The following EML4 variants were observed in gnomAD, a reference collection of about 807,000 sequenced individuals.
The protein encoded by EML4 is echinoderm microtubule-associated protein-like 4.
EML4 carries 72 observed loss-of-function variants against 129.0 expected under a neutral mutation model. That is an observed-to-expected ratio of 0.56 (90% CI 0.46 to 0.68). EML4 has a LOEUF of 0.68. Among genes scored for constraint, EML4 ranks in the 30% least tolerant of loss-of-function variants. EML4 has a pLI of 0.00. For missense variants in EML4, 1,363 were observed against 1,190.6 expected (o/e 1.14, Z -2.13); for synonymous variants, 532 against 405.0 (o/e 1.31, Z -3.77).
intron 7 of EML4, 27 bp from the exon 8 acceptor site, chr2:42,282,796 T>TA (rs1442356816): frequency 7.5e-6 from 12 of 1,601,652 alleles, no homozygotes; most frequent in Non-Finnish European, 1.0e-5. Flanking sequence ...TGTGTTTATT[T>TA]AAAACCTTGA....
chr2:42,200,215 C>T (rs1451237962), intron 1 of EML4, among the ~76,000 whole-genome samples: 2 of 150,226 alleles, frequency 1.3e-5, no homozygotes, highest in East Asian at 3.9e-4. Flanking sequence ...GTCCCAGCTA[C>T]TCGGGAGGCT....
rs567946375 is a variant in EML4 at position 42,262,694 on chromosome 2, A to G, written c.513-484A>G. Among the ~76,000 whole-genome samples, 4 of 152,312 alleles carry G rather than the reference A, an allele frequency of 2.6e-5. No homozygotes were observed. The South Asian group carries it at 6.2e-4, about 24-fold the overall frequency. ...TATAAAGTCTTGTTTATTTCTGATC[A>G]TTGGTAAAATTGTCCCTAAAGATAT... On this transcript the variant is annotated intron_variant, in intron 4 of 22. Transcript: ENST00000318522.
At chr2:42,316,095 C>G (rs201007885) in intron 18 of EML4, 45 bp downstream of exon 18, 53 of 1,314,640 alleles carry the variant, frequency 4.0e-5, no homozygotes, top group Non-Finnish European at 5.5e-5. Context: ...ATTCACAGCA[C>G]TTCACTGCAA....
At chr2:42,305,917 G>A (rs1668571641) in intron 17 of EML4, among the ~76,000 whole-genome samples, 1 of 152,214 alleles carries the variant, frequency 6.6e-6, no homozygotes. Flanking sequence ...CCTTCTGGCT[G>A]TTAGATACAA....
At chr2:42,221,237 G>C (rs998019731) in intron 1 of EML4, among the ~76,000 whole-genome samples, 1 of 152,030 alleles carries the variant, frequency 6.6e-6, no homozygotes, top group African/African-American at 2.4e-5. Flanking sequence ...AGGACAAGCT[G>C]ACTGTTGAGG....
intron 2 of EML4, among the ~76,000 whole-genome samples, chr2:42,246,183 A>G (rs1176749716): frequency 6.6e-6 from 1 of 152,214 alleles, no homozygotes; most frequent in African/African-American, 2.4e-5. Flanking sequence ...TGGGACTTCT[A>G]ACTTTCCAGT....
chr2:42,209,442 T>C (rs372316725), intron 1 of EML4, among the ~76,000 whole-genome samples: 17 of 152,190 alleles, frequency 1.1e-4, no homozygotes, highest in African/African-American at 3.9e-4. Flanking sequence ...TATTCTTCTT[T>C]CCATTTTATA....
chr2:42,268,959 T>C (rs1015381255), intron 6 of EML4, among the ~76,000 whole-genome samples: 2 of 152,200 alleles, frequency 1.3e-5, no homozygotes, highest in Admixed American at 6.5e-5. Context: ...TCTGCTTATT[T>C]TGAGGAAAAA....
At chr2:42,313,843 C>T (rs140640885) in intron 17 of EML4, among the ~76,000 whole-genome samples, 8 of 151,830 alleles carry the variant, frequency 5.3e-5, no homozygotes, top group African/African-American at 9.7e-5. Context: ...ACACGAGAAT[C>T]GCTTGAACCC....
At chr2:42,209,453 G>A (rs957790252) in intron 1 of EML4, among the ~76,000 whole-genome samples, 2 of 152,110 alleles carry the variant, frequency 1.3e-5, no homozygotes, top group Non-Finnish European at 2.9e-5. Context: ...CCATTTTATA[G>A]ATGAGGAAAT....
Position 42,261,291 on chromosome 2 carries a change from A to C in EML4, c.509A>C (p.Lys170Thr). 1 of 1,612,296 alleles carries C rather than the reference A, an allele frequency of 6.2e-7. No individual in the cohort carries two copies. The highest frequency in any genetic ancestry group is 2.2e-5 in the East Asian group (1 of 44,842). Residue 170 changes from lysine (K) to threonine (T), a missense_variant, in exon 4 of 23, where the codon AAA becomes ACA. Physicochemically the swap from Lys to Thr is moderately conservative, Grantham distance 78. Coordinates refer to ENST00000318522, the MANE Select transcript of EML4 (RefSeq NM_019063.5). Reference sequence around the variant, plus strand: ...GAAAGCAAGAATGCTACTCCCACCAAAAGGTTTTAACTGTCCCCAAGTACA... The same window carrying C: ...GAAAGCAAGAATGCTACTCCCACCACAAGGTTTTAACTGTCCCCAAGTACA... ...TPESKNATPT[K>T]SIKRPSPAEK...
At chr2:42,186,355 T>C (rs1671249511) in intron 1 of EML4, among the ~76,000 whole-genome samples, 1 of 152,222 alleles carries the variant, frequency 6.6e-6, no homozygotes, top group Non-Finnish European at 1.5e-5. Context: ...AAAAAAACTT[T>C]TTACTGTAAG....
intron 1 of EML4, among the ~76,000 whole-genome samples, chr2:42,176,247 C>T (rs959747279): frequency 6.6e-6 from 1 of 152,192 alleles, no homozygotes; most frequent in Admixed American, 6.5e-5. Flanking sequence ...ATTCTTGTCA[C>T]CTTTTCTCAT....
intron 2 of EML4, among the ~76,000 whole-genome samples, chr2:42,253,614 A>G (rs1675929699): frequency 6.6e-6 from 1 of 152,194 alleles, no homozygotes; most frequent in South Asian, 2.1e-4. Context: ...GGTAGTGAAG[A>G]TGCATCCATT....
chr2:42,219,254 A>AT (rs1673402042), intron 1 of EML4, among the ~76,000 whole-genome samples: 2 of 152,164 alleles, frequency 1.3e-5, no homozygotes, highest in South Asian at 2.1e-4. Context: ...TGATATGTGG[A>AT]TTTTTTCAAC....
chr2:42,291,620 G>A (rs1667647839), intron 11 of EML4, among the ~76,000 whole-genome samples: 1 of 151,820 alleles, frequency 6.6e-6, no homozygotes, highest in Non-Finnish European at 1.5e-5. Context: ...TGGCCAGGCT[G>A]GTCTCAAACT....
rs368814134 is a variant in EML4 at position 42,282,958 on chromosome 2, A to G, written c.927A>G (p.Thr309=). The change falls in exon 8 of 23, where the codon ACA becomes ACG. Residue 309 remains threonine (T), a synonymous_variant. Coordinates refer to ENST00000318522, the MANE Select transcript of EML4 (RefSeq NM_019063.5). The part of the protein sequence containing the change: ...ERTQRHYLGH[T]DCVKCLAIHP... ...CTCAGCGACACTACCTGGGCCATAC[A>G]GACTGTGTGAAATGGTTGGTATCAT... The G allele has an allele frequency of 4.6e-5, 74 of 1,611,698 alleles. 1 individual carries two copies. In the South Asian group the frequency reaches 5.2e-4, roughly 11 times the overall value.
At chr2:42,271,440 A>G (rs1291538207) in intron 6 of EML4, among the ~76,000 whole-genome samples, 1 of 152,122 alleles carries the variant, frequency 6.6e-6, no homozygotes, top group Non-Finnish European at 1.5e-5. Context: ...TAAAGCAAAG[A>G]TCTGATTTCA....
chr2:42,323,316 A>G (rs1186505875), intron 19 of EML4, among the ~76,000 whole-genome samples: 1 of 152,228 alleles, frequency 6.6e-6, no homozygotes, highest in African/African-American at 2.4e-5. Context: ...GAAAATAGCC[A>G]ACATCCATGT....
Sources: gnomAD v4.1 joint callset for allele counts (sites outside exome capture counted in the v4.1 genomes callset) on GRCh38, gnomAD v4.1.1 for gene constraint, MANE v1.5 for transcripts, NCBI Gene and HGNC (gene_info 2026-07-23, HGNC 2026-07-21) for gene names.